GRXCR1: variants seen among roughly 807,000 people sequenced by gnomAD.
GRXCR1 encodes glutaredoxin domain-containing cysteine-rich protein 1.
A neutral mutation model predicts 27.3 loss-of-function variants in GRXCR1; 27 were observed. The observed-to-expected ratio is 0.99, with a 90% CI of 0.73 to 1.37. The LOEUF is 1.37. GRXCR1 is among the 40% of genes most tolerant of loss of function. The probability of loss-of-function intolerance (pLI) is 0.00; values close to 1 mark genes in which losing one functional copy is unlikely to be tolerated. For synonymous variants in GRXCR1, 122 were observed against 131.1 expected (o/e 0.93, Z 0.47); for missense variants, 379 against 354.4 (o/e 1.07, Z -0.56).
intron 2 of GRXCR1, among the ~76,000 whole-genome samples, chr4:42,964,146 C>T (rs986716997): frequency 2.0e-5 from 3 of 151,970 alleles, no homozygotes; most frequent in Non-Finnish European, 4.4e-5. Context: ...TAGAGGAATG[C>T]TGATTTGAAG....
At chr4:42,933,052 G>A (rs1488622744) in intron 1 of GRXCR1, among the ~76,000 whole-genome samples, 2 of 151,916 alleles carry the variant, frequency 1.3e-5, no homozygotes, top group Non-Finnish European at 2.9e-5. Flanking sequence ...TGTGCTTCAT[G>A]AGAAAACCTT....
At chr4:43,005,350 C>T (rs892777431) in intron 2 of GRXCR1, among the ~76,000 whole-genome samples, 6 of 152,090 alleles carry the variant, frequency 3.9e-5, no homozygotes, top group Admixed American at 6.5e-5. Flanking sequence ...CTAATACAAA[C>T]GAGTTTAGTT....
At chr4:43,008,821 T>A (rs1200552651) in intron 2 of GRXCR1, among the ~76,000 whole-genome samples, 1 of 152,240 alleles carries the variant, frequency 6.6e-6, no homozygotes, top group Non-Finnish European at 1.5e-5. Flanking sequence ...TATTTTTGTG[T>A]TTGTTTCCCT....
In GRXCR1 at chr4:43,030,441, G is replaced by A. The variant is rs200029324; in HGVS notation, c.774G>A (p.Met258Ile). 53 of 1,613,972 alleles carry A rather than the reference G, an allele frequency of 3.3e-5. 1 individual carries two copies. The African/African-American group carries it at 6.5e-4, about 20-fold the overall frequency. ...LPCSVCHGSK[M>I]SMFRNCFTDS... ...GCTCCGTGTGCCATGGGAGCAAGAT[G>A]TCCATGTTTCGAAACTGCTTCACAG... Residue 258 changes from methionine (M) to isoleucine (I), a missense_variant, in exon 4 of 4, where the codon ATG becomes ATA. Met to Ile is a conservative substitution (Grantham distance 10). Coordinates refer to ENST00000399770, the MANE Select transcript of GRXCR1 (RefSeq NM_001080476.3).
chr4:42,982,322 T>C (rs1748695242), intron 2 of GRXCR1, among the ~76,000 whole-genome samples: 1 of 144,378 alleles, frequency 6.9e-6, no homozygotes, highest in Admixed American at 7.0e-5. Flanking sequence ...TTTTTGTTCT[T>C]GCGATAGTTT....
chr4:42,931,280 T>A (rs866729804), intron 1 of GRXCR1, among the ~76,000 whole-genome samples: 1 of 152,016 alleles, frequency 6.6e-6, no homozygotes, highest in Non-Finnish European at 1.5e-5. Context: ...AATCAAAGTT[T>A]TGAATTTCAC....
intron 3 of GRXCR1, among the ~76,000 whole-genome samples, chr4:43,029,132 T>C (rs1713345334): frequency 6.6e-6 from 1 of 152,200 alleles, no homozygotes; most frequent in Non-Finnish European, 1.5e-5. Flanking sequence ...CACAGGTTAC[T>C]AATTATGAGA....
intron 3 of GRXCR1, among the ~76,000 whole-genome samples, chr4:43,021,704 G>A (rs1713097387): frequency 6.6e-6 from 1 of 152,134 alleles, no homozygotes; most frequent in Admixed American, 6.5e-5. Flanking sequence ...TGAGGATGAT[G>A]GGCAGAAATA....
chr4:42,912,812 A>C (rs1400857989), intron 1 of GRXCR1, among the ~76,000 whole-genome samples: 3 of 152,258 alleles, frequency 2.0e-5, no homozygotes, highest in African/African-American at 7.2e-5. Flanking sequence ...CCCCACCTAA[A>C]TTGCACCTCG....
chr4:42,898,465 C>T (rs538556079), intron 1 of GRXCR1, among the ~76,000 whole-genome samples: 1 of 151,954 alleles, frequency 6.6e-6, no homozygotes, highest in African/African-American at 2.4e-5. Context: ...AGTGTTAACA[C>T]ACCTTTCCAG....
At chr4:42,950,923 C>G (rs913072629) in intron 1 of GRXCR1, among the ~76,000 whole-genome samples, 2 of 148,658 alleles carry the variant, frequency 1.3e-5, no homozygotes, top group African/African-American at 4.9e-5. Flanking sequence ...CTATATTTCT[C>G]TCTCTCTCTC....
Position 42,962,962 on chromosome 4 carries a change from C to T in GRXCR1, c.455C>T (p.Thr152Ile). ...ACCTGCCTTCGTGTGGTCCGGACAA[C>T]CTTTGAAAGATGTGAACTGGTTAGA... ...YTTCLRVVRT[T>I]FERCELVRKI... The change falls in exon 2 of 4, where the codon ACC becomes ATC. Residue 152 changes from threonine to isoleucine, a missense_variant. Coordinates refer to ENST00000399770, the MANE Select transcript of GRXCR1 (RefSeq NM_001080476.3). 6.2e-7 allele frequency: 1 copy of T among 1,612,782 alleles called. No homozygotes were observed.
chr4:43,024,829 C>T (rs1343232678), intron 3 of GRXCR1, among the ~76,000 whole-genome samples: 1 of 152,048 alleles, frequency 6.6e-6, no homozygotes. Flanking sequence ...ATGAATCATC[C>T]AGAGATGATT....
intron 1 of GRXCR1, among the ~76,000 whole-genome samples, chr4:42,913,042 G>C (rs915511269): frequency 2.0e-5 from 3 of 152,104 alleles, no homozygotes; most frequent in Non-Finnish European, 2.9e-5. Flanking sequence ...ACGATTGTAA[G>C]TTTCCTGAGG....
At chr4:42,973,145 A>G (rs1748427494) in intron 2 of GRXCR1, among the ~76,000 whole-genome samples, 1 of 152,058 alleles carries the variant, frequency 6.6e-6, no homozygotes, top group Non-Finnish European at 1.5e-5. Context: ...AGTTCTATAG[A>G]CTTTCCAAGT....
chr4:42,904,604 G>A (rs1438148801), intron 1 of GRXCR1, among the ~76,000 whole-genome samples: 1 of 152,040 alleles, frequency 6.6e-6, no homozygotes, highest in Admixed American at 6.6e-5. Flanking sequence ...GGTCAAATGG[G>A]GATAATGGTT....
rs147382416 is a variant in GRXCR1 at position 42,934,179 on chromosome 4, C to T, written c.385-28713C>T. 5.9e-3 allele frequency among the ~76,000 whole-genome samples: 891 copies of T among 151,352 alleles called. 32 individuals carry two copies. Among genetic ancestry groups the T allele is most frequent in the Admixed American group, 0.053 (798 of 15,158 alleles). ...ACAGGTAGAGACAGTTAACTGAAAA[C>T]ATAAGTTTTGTGTTGAGTTGAGACT... On this transcript the variant is annotated intron_variant, in intron 1 of 3. Coordinates refer to ENST00000399770, the MANE Select transcript of GRXCR1 (RefSeq NM_001080476.3).
chr4:42,936,634 T>A (rs1747464369), intron 1 of GRXCR1, among the ~76,000 whole-genome samples: 1 of 151,908 alleles, frequency 6.6e-6, no homozygotes, highest in African/African-American at 2.4e-5. Context: ...TTAGGGTTCA[T>A]CTGGTGTCCT....
intron 1 of GRXCR1, among the ~76,000 whole-genome samples, chr4:42,922,500 G>A (rs1454484428): frequency 1.3e-5 from 2 of 152,128 alleles, no homozygotes; most frequent in East Asian, 1.9e-4. Flanking sequence ...GCAGGCTTGG[G>A]CCCATCTGGA....
Sources: allele counts gnomAD v4.1 joint callset (sites outside exome capture counted in the v4.1 genomes callset), GRCh38; gene constraint gnomAD v4.1.1; transcripts MANE v1.5; gene names NCBI Gene and HGNC (gene_info 2026-07-23, HGNC 2026-07-21).